The following CALN1 variants were observed in gnomAD, a reference collection of about 807,000 sequenced individuals.
CALN1 encodes calcium-binding protein 8.
In CALN1, 17 loss-of-function variants were observed where a neutral mutation model predicts 30.6. The ratio of observed to expected loss-of-function variants is 0.56; its 90% CI spans 0.38 to 0.83. The LOEUF (loss-of-function observed/expected upper bound fraction) is 0.83. CALN1 is among the 40% of genes least tolerant of loss of function. CALN1 has a pLI of 0.00. For synonymous variants in CALN1, 156 were observed against 131.4 expected (o/e 1.19, Z -1.28); for missense variants, 291 against 354.9 (o/e 0.82, Z 1.45).
intron 5 of CALN1, among the ~76,000 whole-genome samples, chr7:72,021,781 G>A (rs756442844): frequency 6.6e-6 from 1 of 152,068 alleles, no homozygotes; most frequent in Non-Finnish European, 1.5e-5. Flanking sequence ...ATCTCAATCC[G>A]GTGTTCCAGC....
chr7:71,798,162 AGAGAGAGAGAGAG>A (rs1338075077), intron 6 of CALN1, among the ~76,000 whole-genome samples: 32 of 146,844 alleles, frequency 2.2e-4, no homozygotes, highest in South Asian at 6.6e-4. Flanking sequence ...AGAGAGAGAG[AGAGAGAGAGAGAG>A]ATGTTGCTTG....
At chr7:72,210,527 G>T (rs1792316597) in intron 3 of CALN1, among the ~76,000 whole-genome samples, 2 of 152,004 alleles carry the variant, frequency 1.3e-5, no homozygotes, top group Non-Finnish European at 2.9e-5. Context: ...CAGCATGGCT[G>T]GGGAGGCCTC....
At chr7:72,068,113 T>G (rs943535926) in intron 4 of CALN1, among the ~76,000 whole-genome samples, 3 of 152,140 alleles carry the variant, frequency 2.0e-5, no homozygotes, top group Non-Finnish European at 4.4e-5. Flanking sequence ...GCTTAAATAG[T>G]CAATCTTGGC....
chr7:72,156,691 C>T (rs1001583000), intron 3 of CALN1, among the ~76,000 whole-genome samples: 3 of 152,210 alleles, frequency 2.0e-5, no homozygotes, highest in African/African-American at 7.2e-5. Flanking sequence ...CAGACATAAG[C>T]GCCCTACTGG....
chr7:72,048,617 A>AAT (rs949655690), intron 4 of CALN1, among the ~76,000 whole-genome samples: 9 of 152,098 alleles, frequency 5.9e-5, no homozygotes, highest in African/African-American at 2.2e-4. Flanking sequence ...TATAGAGGTA[A>AAT]ATATAAGTGC....
intron 3 of CALN1, among the ~76,000 whole-genome samples, chr7:72,215,055 G>A (rs2129548477): frequency 6.6e-6 from 1 of 152,070 alleles, no homozygotes; most frequent in South Asian, 2.1e-4. Flanking sequence ...CACAATAAAT[G>A]GAATGCACAT....
chr7:72,349,270 A>T (rs1802797854), intron 2 of CALN1, among the ~76,000 whole-genome samples: 1 of 147,196 alleles, frequency 6.8e-6, no homozygotes, highest in South Asian at 2.2e-4. Context: ...GAGAGACTGT[A>T]AACACGCGTG....
At chr7:72,027,701 G>A (rs1234961622) in intron 4 of CALN1, among the ~76,000 whole-genome samples, 1 of 147,274 alleles carries the variant, frequency 6.8e-6, no homozygotes, top group East Asian at 2.0e-4. Flanking sequence ...GACAGAGTGA[G>A]ACCCTGTCTC....
chr7:72,501,371 A>T, the CALN1 span, among the ~76,000 whole-genome samples: 1 of 6,448 alleles, frequency 1.6e-4, no homozygotes. Flanking sequence ...CGTCTCTATT[A>T]AAAAAAAAAA....
intron 5 of CALN1, among the ~76,000 whole-genome samples, chr7:71,968,239 G>A (rs753398009): frequency 1.3e-5 from 2 of 152,116 alleles, no homozygotes; most frequent in Admixed American, 6.5e-5. Context: ...CATCCACACT[G>A]ATGAATCTTG....
chr7:71,991,785 A>AT (rs1464938306), intron 5 of CALN1, among the ~76,000 whole-genome samples: 1 of 152,242 alleles, frequency 6.6e-6, no homozygotes, highest in Non-Finnish European at 1.5e-5. Context: ...CATTTGTGGT[A>AT]TGGCCAGAAG....
At chr7:72,030,666 A>G (rs79312768) in intron 4 of CALN1, among the ~76,000 whole-genome samples, 2,706 of 152,288 alleles carry the variant, frequency 0.018, 141 homozygotes, top group East Asian at 0.16. Flanking sequence ...AAGGTCCAGG[A>G]AACCTGATAA....
the CALN1 span, among the ~76,000 whole-genome samples, chr7:72,493,792 G>A: frequency 2.0e-4 from 30 of 152,306 alleles, no homozygotes; most frequent in African/African-American, 7.0e-4. Context: ...TTGTGTTATT[G>A]CTGAGATAAG....
chr7:72,298,304 G>A (rs1799009359), intron 2 of CALN1, among the ~76,000 whole-genome samples: 3 of 152,106 alleles, frequency 2.0e-5, no homozygotes, highest in Admixed American at 6.6e-5. Context: ...ACTTTGTTGT[G>A]GCACAAAAGC....
intron 3 of CALN1, among the ~76,000 whole-genome samples, chr7:72,225,316 G>A (rs780227016): frequency 1.1e-4 from 16 of 151,928 alleles, no homozygotes; most frequent in Non-Finnish European, 1.6e-4. Context: ...CCTCCTGTGT[G>A]TCCCCAATTC....
chr7:72,051,550 ATTAACTGT>A (rs1486094582), intron 4 of CALN1, among the ~76,000 whole-genome samples: 1 of 152,218 alleles, frequency 6.6e-6, no homozygotes, highest in African/African-American at 2.4e-5. Flanking sequence ...CTCATGTTAT[ATTAACTGT>A]TCCAGGATGA....
chr7:72,137,349 C>T (rs140768809), intron 3 of CALN1, among the ~76,000 whole-genome samples: 252 of 152,110 alleles, frequency 1.7e-3, no homozygotes, highest in African/African-American at 5.9e-3. Flanking sequence ...TTCAAGATGG[C>T]GATGCTCCTG....
Position 72,403,277 on chromosome 7 carries a change from C to A in CALN1, c.93G>T (p.Arg31Ser). Residue 31 changes from arginine (R) to serine (S), a missense_variant, in exon 2 of 7, where the codon AGG (arginine) becomes AGT (serine). Physicochemically the swap from Arg to Ser is moderately radical, Grantham distance 110 (BLOSUM62 -1). This residue lies in a region of CALN1 where 122 missense variants were observed against 103.2 expected (regional missense o/e 1.18). Coordinates refer to ENST00000395275, the MANE Select transcript of CALN1 (RefSeq NM_031468.4). ...GALGGGEEPP[R>S]SQAPDFPTWE... ...AGGTGGGGAAGTCGGGGGCCTGGCTCCTCGGCGGCTCCTCTCCCCCTCCGA... is the reference window on the plus strand; with the variant it reads ...AGGTGGGGAAGTCGGGGGCCTGGCTACTCGGCGGCTCCTCTCCCCCTCCGA... 6.5e-6 allele frequency: 10 copies of A among 1,550,290 alleles called. No homozygotes were observed. Among genetic ancestry groups the A allele is most frequent in the Non-Finnish European group, 8.7e-6 (10 of 1,146,938 alleles).
At chr7:72,210,029 C>T (rs961982895) in intron 3 of CALN1, among the ~76,000 whole-genome samples, 6 of 152,182 alleles carry the variant, frequency 3.9e-5, no homozygotes, top group African/African-American at 9.7e-5. Flanking sequence ...TCGTTTCTGA[C>T]GGTGGTCTCC....
Sources: gnomAD v4.1 joint callset for allele counts (sites outside exome capture counted in the v4.1 genomes callset) on GRCh38, gnomAD v4.1.1 for gene constraint, gnomAD v4.1.1 regional missense constraint, MANE v1.5 for transcripts, NCBI Gene and HGNC (gene_info 2026-07-23, HGNC 2026-07-21) for gene names.